PXN: variants seen among roughly 807,000 people sequenced by gnomAD.
PXN encodes testicular tissue protein Li 134.
A neutral mutation model predicts 103.6 loss-of-function variants in PXN; 61 were observed. The ratio of observed to expected loss-of-function variants is 0.59; its 90% CI spans 0.48 to 0.73. The LOEUF (loss-of-function observed/expected upper bound fraction) is 0.73, where lower values mean the gene tolerates loss of function less well. Among genes scored for constraint, PXN ranks in the 30% least tolerant of loss-of-function variants. The pLI is 0.00. For missense variants in PXN, 1,274 were observed against 1,460.3 expected, an observed-to-expected ratio of 0.87 and a Z score of 2.08; for synonymous variants, 562 against 607.8, an observed-to-expected ratio of 0.92 and a Z score of 1.11.
rs563600466 is a variant in PXN at position 120,225,573 on chromosome 12, G to A, written c.14-1196C>T. On this transcript the variant is annotated intron_variant, in intron 1 of 14. Coordinates refer to ENST00000637617, the MANE Select transcript of PXN (RefSeq NM_001385981.1). This position sits in a 1 kb window ranked among gnomAD's most constrained non-coding sequence, Gnocchi z 4.4. Reference sequence around the variant, plus strand: ...GGAAAGCCGGGCTTGGAGAGGCAGAGGTCAGAGGTGTTTGCTCCAAATAAC... The same window carrying A: ...GGAAAGCCGGGCTTGGAGAGGCAGAAGTCAGAGGTGTTTGCTCCAAATAAC... Among the ~76,000 whole-genome samples the A allele has an allele frequency of 6.6e-6, 1 of 152,150 alleles. No individual in the cohort carries two copies. Among genetic ancestry groups the A allele is most frequent in the East Asian group, 1.9e-4 (1 of 5,196 alleles).
At chr12:120,246,105 G>A (rs7966099) in intron 1 of PXN, among the ~76,000 whole-genome samples, 22,640 of 152,146 alleles carry the variant, frequency 0.15, 2,003 homozygotes, top group East Asian at 0.45. Context: ...CAAGGCAAGA[G>A]GCCAGACACA....
chr12:120,262,615 T>C (rs183327645), intron 1 of PXN, among the ~76,000 whole-genome samples: 3 of 152,246 alleles, frequency 2.0e-5, no homozygotes, highest in Middle Eastern at 3.4e-3. Context: ...CTGAGTACAG[T>C]GCCTGTCTCC....
chr12:120,244,421 C>T lies in PXN; in HGVS notation c.14-20044G>A, dbSNP rs28573260. ...CAGCACTTTGGGAGGCCGAGGCGGG[C>T]GGATCACGAGGTCAGGAGATCGAGA... On this transcript the variant is annotated intron_variant, in intron 1 of 14. Transcript: ENST00000637617. 8.0e-3 allele frequency among the ~76,000 whole-genome samples: 1,216 copies of T among 151,328 alleles called. 26 individuals are homozygous for T. The East Asian group carries it at 0.1, about 13-fold the overall frequency.
chr12:120,222,471 GC>G lies in PXN; in HGVS notation c.695+77del. 6.9e-7 allele frequency: 1 copy of G among 1,441,566 alleles called. No homozygotes were observed. Among genetic ancestry groups the G allele is most frequent in the Non-Finnish European group, 9.3e-7 (1 of 1,072,874 alleles). The allele number at this position is 1,441,566 out of a possible 1,614,324, so 89.3% of individuals were successfully genotyped here. ...ACGGGAGGGAGTGGGTGATACCAGG[GC>G]TAAGGGGACAGACACTGGACCCGGG... On this transcript the variant is annotated intron_variant, in intron 5 of 14. Coordinates refer to ENST00000637617, the MANE Select transcript of PXN (RefSeq NM_001385981.1). This position sits in a 1 kb window ranked among gnomAD's most constrained non-coding sequence, Gnocchi z 4.7.
intron 1 of PXN, among the ~76,000 whole-genome samples, chr12:120,234,964 A>C (rs551322117): frequency 6.6e-6 from 1 of 152,154 alleles, no homozygotes; most frequent in East Asian, 1.9e-4. Flanking sequence ...CTTCTTGCTG[A>C]GCAAACCACT....
chr12:120,251,826 TAAAC>T lies in PXN; in HGVS notation c.13+13787_13+13790del, dbSNP rs527641628. Among the ~76,000 whole-genome samples the T allele has an allele frequency of 7.7e-3, 1,163 of 151,922 alleles. 7 individuals carry two copies. Among genetic ancestry groups the T allele is most frequent in the Non-Finnish European group, 0.011 (725 of 67,966 alleles). On this transcript the variant is annotated intron_variant, in intron 1 of 14. Coordinates refer to ENST00000637617, the MANE Select transcript of PXN (RefSeq NM_001385981.1). ...AGCGAGACTTGGTCTCAAAAATAAA[TAAAC>T]AAACAAACAAATAAATGCCAAGAGA...
intron 1 of PXN, among the ~76,000 whole-genome samples, chr12:120,253,503 G>C (rs532703654): frequency 1.2e-4 from 18 of 152,198 alleles, no homozygotes; most frequent in Admixed American, 7.9e-4. Context: ...AGAAAAAAGA[G>C]ACCGGGCTAG....
chr12:120,259,441 T>G (rs150690167), intron 1 of PXN, among the ~76,000 whole-genome samples: 1 of 152,140 alleles, frequency 6.6e-6, no homozygotes, highest in Admixed American at 6.6e-5. Context: ...ATCATGACAC[T>G]TCACTCCTAA....
chr12:120,262,279 C>T (rs1009219838), intron 1 of PXN, among the ~76,000 whole-genome samples: 1 of 152,234 alleles, frequency 6.6e-6, no homozygotes, highest in African/African-American at 2.4e-5. Flanking sequence ...CAACAGCTGG[C>T]TGTTCCCCCT....
At chr12:120,234,070 C>A (rs1888571086) in intron 1 of PXN, among the ~76,000 whole-genome samples, 1 of 150,430 alleles carries the variant, frequency 6.6e-6, no homozygotes, top group South Asian at 2.2e-4. Flanking sequence ...ATTATGGAGT[C>A]AAATGCAAAA....
At chr12:120,227,437 A>G (rs1208990721) in intron 1 of PXN, among the ~76,000 whole-genome samples, 2 of 152,228 alleles carry the variant, frequency 1.3e-5, no homozygotes, top group African/African-American at 4.8e-5. Flanking sequence ...GGAGGTCAAG[A>G]CTACAGTGAG....
chr12:120,261,668 A>C (rs1389874143), intron 1 of PXN, among the ~76,000 whole-genome samples: 1 of 152,136 alleles, frequency 6.6e-6, no homozygotes, highest in African/African-American at 2.4e-5. Context: ...GTGGCCCACC[A>C]ATAACTCTGG....
At chr12:120,223,874 A>C (rs1886020080) in intron 2 of PXN, 41 bp from the exon 3 acceptor site, 2 of 1,441,576 alleles carry the variant, frequency 1.4e-6, no homozygotes, top group African/African-American at 2.8e-5. Context: ...CCGAGGGGAG[A>C]AAAAGGAACA....
In PXN at chr12:120,216,835, C is replaced by T. The variant is rs762982596; in HGVS notation, c.1992+6G>A. 5.2e-6 allele frequency: 8 copies of T among 1,539,788 alleles called. No individual in the cohort carries two copies. The highest frequency in any genetic ancestry group is 4.6e-5 in the East Asian group (2 of 43,346). Reference sequence around the variant, plus strand: ...CCAGCCCCAGCCATGGGCATCTCCTCGCCACCTTCTCTACGAGCTGCCCCC... The same window carrying T: ...CCAGCCCCAGCCATGGGCATCTCCTTGCCACCTTCTCTACGAGCTGCCCCC... On this transcript the variant is annotated splice_donor_region_variant and intron_variant, in intron 8 of 14. Coordinates refer to ENST00000637617, the MANE Select transcript of PXN (RefSeq NM_001385981.1). The surrounding 1 kb of genome is among the most constrained non-coding windows in gnomAD (Gnocchi z 5.1).
intron 1 of PXN, among the ~76,000 whole-genome samples, chr12:120,238,859 T>C (rs1889622442): frequency 6.6e-6 from 1 of 152,228 alleles, no homozygotes; most frequent in South Asian, 2.1e-4. Context: ...GTACCTGCTC[T>C]GTGCCTAGCT....
chr12:120,254,473 C>CCTTA (rs1453075526), intron 1 of PXN, among the ~76,000 whole-genome samples: 1 of 152,208 alleles, frequency 6.6e-6, no homozygotes. Flanking sequence ...TTAGCAACCA[C>CCTTA]CTTACTATCT....
chr12:120,242,871 ACTCGGG>A (rs1298238694), intron 1 of PXN, among the ~76,000 whole-genome samples: 3 of 145,660 alleles, frequency 2.1e-5, no homozygotes, highest in Non-Finnish European at 4.5e-5. Context: ...ACAGAGCGAG[ACTCGGG>A]CTTTAAAAAA....
rs1474147886 is a variant in PXN, at chr12:120,221,285, C to T, written c.831+338G>A. ...AGAGAATGCCCTCCCCCACCCAGAG[C>T]AGCCATCAACACAAGGTTCTTTGTC... is the stretch of plus-strand genomic sequence containing the variant. On this transcript the variant is annotated intron_variant, in intron 6 of 14. Transcript: ENST00000637617. This position sits in a 1 kb window ranked among gnomAD's most constrained non-coding sequence, Gnocchi z 6.6. 2.6e-5 allele frequency among the ~76,000 whole-genome samples: 4 copies of T among 152,174 alleles called. No homozygotes were observed. Among genetic ancestry groups the T allele is most frequent in the Non-Finnish European group, 5.9e-5 (4 of 68,028 alleles).
rs61945842 is a variant in PXN, at chr12:120,255,101, G to A, written c.13+10516C>T. ...GAAGAATCTGGACAATAGAATTCAC[G>A]TCAGGGGTGGAAATATAAATTTGGG... is the stretch of plus-strand genomic sequence containing the variant. On this transcript the variant is annotated intron_variant, in intron 1 of 14. Coordinates refer to ENST00000637617, the MANE Select transcript of PXN (RefSeq NM_001385981.1). Among the ~76,000 whole-genome samples, 1,674 of 152,250 alleles carry A rather than the reference G, an allele frequency of 0.011. 79 individuals are homozygous for A. In the East Asian group the frequency reaches 0.14, roughly 13 times the overall value.
Sources: gnomAD v4.1 joint callset for allele counts (sites outside exome capture counted in the v4.1 genomes callset) on GRCh38, gnomAD v4.1.1 for gene constraint, Gnocchi (gnomAD v3.1) non-coding constraint, MANE v1.5 for transcripts, NCBI Gene and HGNC (gene_info 2026-07-23, HGNC 2026-07-21) for gene names.